ABCB11: variants seen among roughly 807,000 people sequenced by gnomAD.
The protein encoded by ABCB11 is bile salt export pump.
Under a neutral mutation model 148.0 loss-of-function variants are expected in ABCB11, and 95 were observed. The observed-to-expected ratio is 0.64, with a 90% CI of 0.54 to 0.76. The LOEUF is 0.76. Ranked by LOEUF, ABCB11 falls within the 30% of genes least tolerant of loss-of-function variation. ABCB11 has a pLI of 0.00. For synonymous variants in ABCB11, 591 were observed against 555.4 expected (o/e 1.06, Z -0.90); for missense variants, 1,523 against 1,617.8 (o/e 0.94, Z 1.01).
intron 1 of ABCB11, among the ~76,000 whole-genome samples, chr2:169,028,248 C>A (rs1695759387): frequency 6.6e-6 from 1 of 151,476 alleles, no homozygotes; most frequent in Non-Finnish European, 1.5e-5. Flanking sequence ...TCCAGCCAGC[C>A]CTACCCTCAT....
In ABCB11 at chr2:168,932,422, G is replaced by T; in HGVS notation, c.3168C>A (p.Asp1056Glu). 6.3e-7 allele frequency: 1 copy of T among 1,593,142 alleles called. No homozygotes were observed. The highest frequency in any genetic ancestry group is 1.1e-5 in the South Asian group (1 of 87,524). ...ISAARFFQLL[D>E]RQPPISVYNT... ...TGTATACACTGATTGGGGGTTGTCGGTCCAGCAGTTGAAAAAAGCGTGCAG... is the reference window on the plus strand; with the variant it reads ...TGTATACACTGATTGGGGGTTGTCGTTCCAGCAGTTGAAAAAAGCGTGCAG... Residue 1056 changes from aspartate to glutamate, a missense_variant, in exon 24 of 28, where the codon GAC becomes GAA. Physicochemically the swap from Asp to Glu is conservative, Grantham distance 45 (BLOSUM62 2). Coordinates refer to ENST00000650372, the MANE Select transcript of ABCB11 (RefSeq NM_003742.4).
intron 1 of ABCB11, among the ~76,000 whole-genome samples, chr2:169,028,517 G>C (rs1027450131): frequency 2.0e-5 from 3 of 152,102 alleles, no homozygotes; most frequent in African/African-American, 7.2e-5. Flanking sequence ...AGATGCAAGA[G>C]ACAGGGCAGC....
chr2:169,018,180 C>T, intron 1 of ABCB11, 28 bp from the exon 2 acceptor site: 3 of 1,555,946 alleles, frequency 1.9e-6, no homozygotes, highest in Non-Finnish European at 1.8e-6. Flanking sequence ...AGAATCATTG[C>T]AATTATTATC....
chr2:169,004,782 T>A (rs1045157806), intron 5 of ABCB11, among the ~76,000 whole-genome samples: 15 of 152,196 alleles, frequency 9.9e-5, no homozygotes, highest in Admixed American at 7.2e-4. Context: ...GTAGACTATG[T>A]CAGAGGGAAG....
chr2:168,920,021 G>C, downstream of ABCB11, among the ~76,000 whole-genome samples: 1 of 151,908 alleles, frequency 6.6e-6, no homozygotes, highest in East Asian at 1.9e-4. Flanking sequence ...CACCATGCCT[G>C]GCTAATTTTT....
At position 168,941,306 on chromosome 2, in the gene ABCB11, G is replaced by A. The variant is rs542120968; in HGVS notation, c.2610+3299C>T. Among the ~76,000 whole-genome samples, 14 of 151,874 alleles carry A rather than the reference G, an allele frequency of 9.2e-5. No homozygotes were observed. In the South Asian group the frequency reaches 2.5e-3, roughly 27 times the overall value. On this transcript the variant is annotated intron_variant, in intron 21 of 27. Coordinates refer to ENST00000650372, the MANE Select transcript of ABCB11 (RefSeq NM_003742.4). Reference sequence around the variant, plus strand: ...GTATATATAGATATACACTTTATATGTATATATATATTTATGAAAGAACAT... The same window carrying A: ...GTATATATAGATATACACTTTATATATATATATATATTTATGAAAGAACAT...
intron 25 of ABCB11, among the ~76,000 whole-genome samples, chr2:168,930,169 C>T (rs942186926): frequency 6.6e-6 from 1 of 152,070 alleles, no homozygotes; most frequent in African/African-American, 2.4e-5. Flanking sequence ...TTCAAATATC[C>T]TTGCTAAAGA....
At chr2:168,995,297 G>A in intron 7 of ABCB11, 52 bp downstream of exon 7, 1 of 1,546,626 alleles carries the variant, frequency 6.5e-7, no homozygotes. Flanking sequence ...AGAAACAAGG[G>A]TTTTATTATC....
chr2:169,011,863 C>T (rs747036830), intron 5 of ABCB11, among the ~76,000 whole-genome samples: 6 of 152,142 alleles, frequency 3.9e-5, no homozygotes, highest in Admixed American at 1.3e-4. Flanking sequence ...CAGGGTCTCA[C>T]TATGTTGCCC....
chr2:168,976,791 G>A (rs1222877903), intron 11 of ABCB11, 104 bp from the exon 12 acceptor site: 2 of 656,838 alleles, frequency 3.0e-6, no homozygotes, highest in African/African-American at 1.8e-5. Context: ...TCTCTGCAAT[G>A]TTTTATCTGG....
At chr2:168,962,447 T>G (rs550144314) in intron 18 of ABCB11, among the ~76,000 whole-genome samples, 29 of 151,782 alleles carry the variant, frequency 1.9e-4, no homozygotes, top group Admixed American at 3.3e-4. Context: ...GAGAACTCTA[T>G]GGGAATCTGA....
At position 169,029,829 on chromosome 2, in the gene ABCB11, T is replaced by C. The variant is rs1019192964; in HGVS notation, c.-28+1396A>G. Reference sequence around the variant, plus strand: ...AATCTCGGCTCACTGCAAGCTCCGCTTCCCGGGTTCACGCCATTCTCCTGC... The same window carrying C: ...AATCTCGGCTCACTGCAAGCTCCGCCTCCCGGGTTCACGCCATTCTCCTGC... On this transcript the variant is annotated intron_variant, in intron 1 of 27. Coordinates refer to ENST00000650372, the MANE Select transcript of ABCB11 (RefSeq NM_003742.4). Among the ~76,000 whole-genome samples the C allele has an allele frequency of 1.9e-4, 23 of 120,942 alleles. 1 individual carries two copies. The highest frequency in any genetic ancestry group is 4.4e-4 in the African/African-American group (13 of 29,880). The allele number at this position is 120,942 out of a possible 152,430, so 79.3% of individuals were successfully genotyped here.
At chr2:169,022,932 T>G (rs185747380) in intron 1 of ABCB11, among the ~76,000 whole-genome samples, 2 of 152,002 alleles carry the variant, frequency 1.3e-5, no homozygotes, top group Non-Finnish European at 2.9e-5. Flanking sequence ...TCCATTCCTG[T>G]TTTGAAAACC....
rs906764053 is a variant in ABCB11, at chr2:168,971,279, C to T, written c.1638+568G>A. 1.1e-4 allele frequency among the ~76,000 whole-genome samples: 16 copies of T among 152,062 alleles called. 1 individual carries two copies. Among genetic ancestry groups the T allele is most frequent in the Admixed American group, 9.8e-4 (15 of 15,240 alleles). ...ACAGTGCCTGGTATGTAGTAAGAACCGTATACGTGTTAACCCTTTATAATA... is the reference window on the plus strand; with the variant it reads ...ACAGTGCCTGGTATGTAGTAAGAACTGTATACGTGTTAACCCTTTATAATA... On this transcript the variant is annotated intron_variant, in intron 14 of 27. Transcript: ENST00000650372.
Position 168,979,955 on chromosome 2 carries a change from C to T in ABCB11, c.1108G>A (p.Ala370Thr), listed in dbSNP as rs781584055. The T allele has an allele frequency of 6.2e-7, 1 of 1,609,318 alleles. No individual in the cohort carries two copies. Among genetic ancestry groups the T allele is most frequent in the Non-Finnish European group, 8.5e-7 (1 of 1,176,562 alleles). The change falls in exon 11 of 28, where the codon GCT becomes ACT. Residue 370 changes from alanine to threonine, a missense_variant. Physicochemically the swap from Ala to Thr is moderately conservative, Grantham distance 58. Transcript: ENST00000650372. ...VQIFLSVIVG[A>T]LNLGNASPCL... The stretch of plus-strand genomic sequence containing the variant: ...GGAGAGGCATTGCCAAGATTTAAAG[C>T]TCCTACTATGACACTGAGGAAAATC...
intron 15 of ABCB11, 53 bp downstream of exon 15, chr2:168,969,992 C>T (rs1693503174): frequency 1.3e-6 from 2 of 1,561,114 alleles, no homozygotes; most frequent in Admixed American, 3.4e-5. Flanking sequence ...TTTCCTGCAG[C>T]AGCACAAGCA....
intron 13 of ABCB11, among the ~76,000 whole-genome samples, chr2:168,973,492 C>A (rs571711614): frequency 6.6e-6 from 1 of 152,134 alleles, no homozygotes; most frequent in South Asian, 2.1e-4. Flanking sequence ...CTGACTGTAT[C>A]TGCACATTCA....
At chr2:168,951,754 T>G (rs1692580675) in intron 19 of ABCB11, among the ~76,000 whole-genome samples, 1 of 151,644 alleles carries the variant, frequency 6.6e-6, no homozygotes, top group Non-Finnish European at 1.5e-5. Flanking sequence ...TTCTCTTGCC[T>G]GATTGCTCTG....
chr2:168,964,518 T>C (rs1022910464), intron 17 of ABCB11, among the ~76,000 whole-genome samples: 6 of 151,714 alleles, frequency 4.0e-5, no homozygotes, highest in Admixed American at 1.3e-4. Context: ...CCCTAAACTC[T>C]TGCAAGTGTT....
Sources: allele counts gnomAD v4.1 joint callset (sites outside exome capture counted in the v4.1 genomes callset), GRCh38; gene constraint gnomAD v4.1.1; transcripts MANE v1.5; gene names NCBI Gene and HGNC (gene_info 2026-07-23, HGNC 2026-07-21).